Variants in ZPBP observed in about 807,000 individuals in gnomAD.
The protein encoded by ZPBP is zona pellucida binding protein, also known as zona pellucida-binding protein 1.
In ZPBP, 26 loss-of-function variants were observed where a neutral mutation model predicts 44.8. The observed-to-expected ratio is 0.58, with a 90% CI of 0.43 to 0.81. The LOEUF is 0.81. ZPBP is among the 30% of genes least tolerant of loss of function. ZPBP has a pLI of 0.00. For synonymous variants in ZPBP, 174 were observed against 153.2 expected (o/e 1.14, Z -1.00); for missense variants, 409 against 434.0 (o/e 0.94, Z 0.51).
intron 7 of ZPBP, among the ~76,000 whole-genome samples, chr7:49,953,711 G>A (rs1345954742): frequency 6.6e-6 from 1 of 151,964 alleles, no homozygotes; most frequent in Non-Finnish European, 1.5e-5. Context: ...ATAAGAGGCA[G>A]GAAAACATAA....
intron 1 of ZPBP, among the ~76,000 whole-genome samples, chr7:50,090,238 AC>A (rs202118357): frequency 6.6e-6 from 1 of 151,108 alleles, no homozygotes; most frequent in Non-Finnish European, 1.5e-5. Context: ...TTTATCCCTC[AC>A]CCCCATCCCA....
At chr7:49,902,245 G>A (rs1792792430) in intron 1 of ZPBP, among the ~76,000 whole-genome samples, 1 of 151,458 alleles carries the variant, frequency 6.6e-6, no homozygotes, top group Non-Finnish European at 1.5e-5. Flanking sequence ...AAGAATGAAA[G>A]GCAAACCACA....
chr7:49,844,236 T>TA, the ZPBP span, among the ~76,000 whole-genome samples: 1 of 152,220 alleles, frequency 6.6e-6, no homozygotes, highest in African/African-American at 2.4e-5. Flanking sequence ...CATCAATCCT[T>TA]ATGATGACTG....
chr7:50,031,053 G>A (rs1462201721), intron 5 of ZPBP, 39 bp downstream of exon 5: 14 of 1,568,762 alleles, frequency 8.9e-6, no homozygotes, highest in African/African-American at 1.4e-5. Context: ...TTAGTTATGT[G>A]TTCTCCATTT....
At chr7:49,871,629 T>C (rs554662347) in intron 2 of ZPBP, among the ~76,000 whole-genome samples, 2 of 151,998 alleles carry the variant, frequency 1.3e-5, no homozygotes, top group Admixed American at 6.5e-5. Context: ...TTTTTATTCA[T>C]TGTGATATGA....
intron 4 of ZPBP, among the ~76,000 whole-genome samples, chr7:50,042,257 T>A (rs1800130550): frequency 6.6e-6 from 1 of 152,154 alleles, no homozygotes; most frequent in Non-Finnish European, 1.5e-5. Context: ...TCTACAGGGA[T>A]ATTATCCAGG....
rs762600831 is a variant in ZPBP, at chr7:49,869,682, G to C, written n.510-19168C>G. Among the ~76,000 whole-genome samples, 6 of 152,170 alleles carry C rather than the reference G, an allele frequency of 3.9e-5. 1 individual carries two copies. Among genetic ancestry groups the C allele is most frequent in the Admixed American group, 2.0e-4 (3 of 15,274 alleles). On this transcript the variant is annotated intron_variant and non_coding_transcript_variant, in intron 2 of 2. Coordinates refer to the ZPBP transcript ENST00000465922. ...AGAAACCTGCCAATAGCAAGGAATG[G>C]CAAGGATGTAAAGCCACTGGACTGC... is the stretch of plus-strand genomic sequence containing the variant.
intron 7 of ZPBP, among the ~76,000 whole-genome samples, chr7:49,953,757 T>C (rs1486461902): frequency 6.6e-6 from 1 of 151,828 alleles, no homozygotes; most frequent in African/African-American, 2.4e-5. Context: ...AAAACCAAAC[T>C]GGAACTAAGG....
At chr7:49,980,170 TTTAA>T (rs1373305240) in intron 7 of ZPBP, among the ~76,000 whole-genome samples, 32 of 115,828 alleles carry the variant, frequency 2.8e-4, no homozygotes, top group Non-Finnish European at 4.4e-4. Context: ...TATATTATAA[TTTAA>T]TTAATAAAAT....
chr7:50,031,268 T>A lies in ZPBP; in HGVS notation c.530A>T (p.Tyr177Phe). ...PHYYYQFTARYHAAPCNSIYN... is the reference protein window; with the variant it reads ...PHYYYQFTARFHAAPCNSIYN... The stretch of plus-strand genomic sequence containing the variant: ...AATGCTATTGCAGGGAGCTGCATGA[T>A]ATCGAGCTGTGAACTGATAATAATA... Residue 177 changes from tyrosine to phenylalanine, a missense_variant, in exon 5 of 8, where the codon TAT becomes TTT. Physicochemically the swap from Tyr to Phe is conservative, Grantham distance 22. Around this residue, in one of 2 missense-constraint regions of ZPBP, gnomAD observed 367 missense variants for 363.1 expected, o/e 1.01. Coordinates refer to ENST00000046087, the MANE Select transcript of ZPBP (RefSeq NM_007009.3). 2 of 1,611,932 alleles carry A rather than the reference T, an allele frequency of 1.2e-6. No individual in the cohort carries two copies. The highest frequency in any genetic ancestry group is 1.7e-6 in the Non-Finnish European group (2 of 1,179,792).
intron 2 of ZPBP, among the ~76,000 whole-genome samples, chr7:49,892,673 C>G (rs1792194181): frequency 6.6e-6 from 1 of 152,142 alleles, no homozygotes; most frequent in Admixed American, 6.5e-5. Flanking sequence ...AATACTTGCC[C>G]AGTGAGTTAG....
chr7:49,972,357 C>A (rs1796334786), intron 7 of ZPBP, among the ~76,000 whole-genome samples: 1 of 151,860 alleles, frequency 6.6e-6, no homozygotes, highest in African/African-American at 2.4e-5. Context: ...CTAAAAAAAG[C>A]AAAATCTTTT....
intron 2 of ZPBP, 112 bp from the exon 3 acceptor site, chr7:50,082,011 A>G (rs1246696719): frequency 8.2e-7 from 1 of 1,225,274 alleles, no homozygotes; most frequent in Non-Finnish European, 1.1e-6. Context: ...ACTTTGAATT[A>G]TTGCTCCTAT....
At chr7:49,841,909 C>T in the ZPBP span, among the ~76,000 whole-genome samples, 2 of 151,888 alleles carry the variant, frequency 1.3e-5, no homozygotes, top group Non-Finnish European at 2.9e-5. Flanking sequence ...TCTTATTGCC[C>T]AGACTGCAGT....
intron 2 of ZPBP, among the ~76,000 whole-genome samples, chr7:50,087,244 C>T (rs866676057): frequency 1.3e-5 from 2 of 152,082 alleles, no homozygotes; most frequent in Middle Eastern, 3.4e-3. Context: ...ACCAATTTTC[C>T]TTATGAACAT....
intron 2 of ZPBP, among the ~76,000 whole-genome samples, chr7:49,887,141 A>G (rs1791938866): frequency 6.6e-6 from 1 of 152,210 alleles, no homozygotes; most frequent in Admixed American, 6.5e-5. Context: ...TTTTAACTTC[A>G]GGGATGCTTT....
At chr7:50,047,641 GA>G in intron 4 of ZPBP, among the ~76,000 whole-genome samples, 1 of 136,014 alleles carries the variant, frequency 7.4e-6, no homozygotes, top group South Asian at 2.4e-4. Flanking sequence ...TCTGCTCATA[GA>G]AGCTAAAAAA....
intron 4 of ZPBP, among the ~76,000 whole-genome samples, chr7:50,057,265 C>T (rs1372619633): frequency 2.6e-5 from 4 of 151,624 alleles, no homozygotes; most frequent in Admixed American, 6.6e-5. Context: ...AAGCTAAAAG[C>T]AGACTTGGGG....
At chr7:49,852,166 T>C (rs1790206366) in intron 2 of ZPBP, among the ~76,000 whole-genome samples, 1 of 152,228 alleles carries the variant, frequency 6.6e-6, no homozygotes, top group Admixed American at 6.5e-5. Flanking sequence ...CTCTCTGCCC[T>C]GTGGCCACTG....
Sources: gnomAD v4.1 joint callset for allele counts (sites outside exome capture counted in the v4.1 genomes callset) on GRCh38, gnomAD v4.1.1 for gene constraint, gnomAD v4.1.1 regional missense constraint, MANE v1.5 for transcripts, NCBI Gene and HGNC (gene_info 2026-07-23, HGNC 2026-07-21) for gene names.